The following ABTB3 variants were observed in gnomAD, a reference collection of about 807,000 sequenced individuals.
ABTB3 encodes ankyrin repeat- and BTB/POZ domain-containing protein 3.
chr12:107,327,004 G>A, the ABTB3 span, among the ~76,000 whole-genome samples: 4 of 152,064 alleles, frequency 2.6e-5, no homozygotes, highest in Admixed American at 6.6e-5. Context: ...GTTATTTTTC[G>A]TGGCCACACC....
the ABTB3 span, among the ~76,000 whole-genome samples, chr12:107,484,694 A>G: frequency 1.3e-5 from 2 of 151,800 alleles, no homozygotes; most frequent in African/African-American, 4.8e-5. Context: ...ACCGCTCAAG[A>G]CTGTGTCAAT....
the ABTB3 span, among the ~76,000 whole-genome samples, chr12:107,456,114 G>A: frequency 6.6e-6 from 1 of 152,206 alleles, no homozygotes; most frequent in Admixed American, 6.5e-5. Flanking sequence ...TTTAACATGT[G>A]CCAATAACTA....
chr12:107,361,131 A>G, the ABTB3 span, among the ~76,000 whole-genome samples: 6 of 151,960 alleles, frequency 3.9e-5, no homozygotes, highest in African/African-American at 1.2e-4. Flanking sequence ...TTCTTTTCAT[A>G]TTTCTGACTA....
the ABTB3 span, among the ~76,000 whole-genome samples, chr12:107,501,012 C>T: frequency 8.5e-5 from 13 of 152,288 alleles, no homozygotes; most frequent in African/African-American, 1.4e-4. Flanking sequence ...TACCTATTGC[C>T]GGCTCTGTGA....
the ABTB3 span, among the ~76,000 whole-genome samples, chr12:107,547,445 CAG>C: frequency 7.9e-5 from 12 of 152,190 alleles, no homozygotes; most frequent in African/African-American, 1.9e-4. Context: ...CTTCTGGACT[CAG>C]AGTGTAGTTG....
the ABTB3 span, among the ~76,000 whole-genome samples, chr12:107,409,900 A>G: frequency 6.6e-6 from 1 of 152,224 alleles, no homozygotes; most frequent in Non-Finnish European, 1.5e-5. Flanking sequence ...TCAAAAAAAG[A>G]AAAGAAAATA....
At chr12:107,473,284 C>T in the ABTB3 span, among the ~76,000 whole-genome samples, 1 of 152,180 alleles carries the variant, frequency 6.6e-6, no homozygotes, top group African/African-American at 2.4e-5. Context: ...GGCCAACCCC[C>T]CATCCTCCCT....
chr12:107,617,444 A>G, the ABTB3 span: 1 of 1,613,670 alleles, frequency 6.2e-7, no homozygotes, highest in Non-Finnish European at 8.5e-7. Context: ...CAGGTAGGCT[A>G]GGATGGGCCA....
the ABTB3 span, among the ~76,000 whole-genome samples, chr12:107,594,566 TCTTGGTGTGA>T: frequency 6.6e-6 from 1 of 152,170 alleles, no homozygotes; most frequent in Admixed American, 6.5e-5. Flanking sequence ...TGCACAGAGA[TCTTGGTGTGA>T]CTTACCTCAG....
the ABTB3 span, chr12:107,642,032 T>G: frequency 6.6e-7 from 1 of 1,524,306 alleles, no homozygotes; most frequent in Non-Finnish European, 9.1e-7. Flanking sequence ...CAGAGTTTTT[T>G]GTGAGCCATG....
At chr12:107,557,128 G>T in the ABTB3 span, among the ~76,000 whole-genome samples, 2 of 152,152 alleles carry the variant, frequency 1.3e-5, no homozygotes, top group Non-Finnish European at 2.9e-5. Context: ...GCTTAACAAT[G>T]AGGATACATT....
the ABTB3 span, chr12:107,319,956 C>T: frequency 5.1e-6 from 8 of 1,576,482 alleles, no homozygotes; most frequent in Non-Finnish European, 6.9e-6. Flanking sequence ...CACCACCATG[C>T]GCTCCACGAG....
chr12:107,336,084 T>C, the ABTB3 span, among the ~76,000 whole-genome samples: 1 of 152,168 alleles, frequency 6.6e-6, no homozygotes, highest in Non-Finnish European at 1.5e-5. Flanking sequence ...GCATTGCTGA[T>C]TGGTGGGAGC....
At chr12:107,384,350 T>C in the ABTB3 span, among the ~76,000 whole-genome samples, 1 of 152,154 alleles carries the variant, frequency 6.6e-6, no homozygotes, top group African/African-American at 2.4e-5. Flanking sequence ...ATGTGACCAT[T>C]TCTAACGAGG....
the ABTB3 span, chr12:107,580,973 C>G: frequency 6.4e-7 from 1 of 1,551,766 alleles, no homozygotes. Flanking sequence ...GTCCGGATGT[C>G]TCCAAAGGCT....
chr12:107,429,630 G>A, the ABTB3 span, among the ~76,000 whole-genome samples: 1 of 152,194 alleles, frequency 6.6e-6, no homozygotes, highest in African/African-American at 2.4e-5. Flanking sequence ...TGAATGGTGG[G>A]TTCTGAGAGG....
the ABTB3 span, among the ~76,000 whole-genome samples, chr12:107,464,206 A>AGTGT: frequency 1.9e-4 from 26 of 133,630 alleles, no homozygotes; most frequent in East Asian, 9.1e-4. Context: ...ACATGTGAAG[A>AGTGT]GTGTGTGTGT....
chr12:107,624,202 T>C, the ABTB3 span, among the ~76,000 whole-genome samples: 51 of 151,924 alleles, frequency 3.4e-4, no homozygotes, highest in East Asian at 8.5e-3. Context: ...GGGGTTTTTT[T>C]TTTTTTAAGT....
chr12:107,375,295 G>A, the ABTB3 span, among the ~76,000 whole-genome samples: 1 of 152,074 alleles, frequency 6.6e-6, no homozygotes, highest in African/African-American at 2.4e-5. Context: ...ACATGTGCCT[G>A]TGATCCTGGC....
Sources: gnomAD v4.1 joint callset for allele counts (sites outside exome capture counted in the v4.1 genomes callset) on GRCh38, gnomAD v4.1.1 for gene constraint, MANE v1.5 for transcripts, NCBI Gene and HGNC (gene_info 2026-07-23, HGNC 2026-07-21) for gene names.